Variants in ABCC8 observed in about 807,000 individuals in gnomAD.
The protein encoded by ABCC8 is ATP-binding cassette sub-family C member 8.
ABCC8 carries 137 observed loss-of-function variants against 188.0 expected under a neutral mutation model. That is an observed-to-expected ratio of 0.73 (90% confidence interval 0.63 to 0.84). ABCC8 has a LOEUF of 0.84. Among genes scored for constraint, ABCC8 ranks in the 40% least tolerant of loss-of-function variants. The pLI is 0.00. For missense variants in ABCC8, 1,750 were observed against 2,072.7 expected, an observed-to-expected ratio of 0.84 and a Z score of 3.02; for synonymous variants, 797 against 846.5, an observed-to-expected ratio of 0.94 and a Z score of 1.01.
At chr11:17,475,949 T>G (rs373661401) in intron 1 of ABCC8, among the ~76,000 whole-genome samples, 102 of 152,336 alleles carry the variant, frequency 6.7e-4, no homozygotes, top group African/African-American at 2.3e-3. Context: ...CGCCCAACTT[T>G]GCAAGCAAGG....
At chr11:17,460,756 G>A in intron 5 of ABCC8, 80 bp from the exon 6 acceptor site, 1 of 1,585,344 alleles carries the variant, frequency 6.3e-7, no homozygotes, top group Non-Finnish European at 8.5e-7. Flanking sequence ...GATGCCCCTA[G>A]CTCCTGTTGT....
chr11:17,476,585 C>T, intron 1 of ABCC8, 44 bp downstream of exon 1: 3 of 1,600,596 alleles, frequency 1.9e-6, no homozygotes, highest in East Asian at 2.3e-5. Context: ...TCCTCCCTCC[C>T]TGCTCTCCCG....
intron 1 of ABCC8, 129 bp downstream of exon 1, chr11:17,476,500 G>A (rs1181476682): frequency 2.5e-6 from 3 of 1,179,368 alleles, no homozygotes; most frequent in Admixed American, 4.4e-5. Flanking sequence ...CACAGGGCAG[G>A]GGACCCCGGG....
Position 17,443,276 on chromosome 11 carries a change from C to T in ABCC8, c.1369G>A (p.Gly457Arg), listed in dbSNP as rs771959876. The change falls in exon 9 of 39, where the codon GGA becomes AGA. Residue 457 changes from glycine (G) to arginine (R), a missense_variant. Gly to Arg is a moderately radical substitution (Grantham distance 125). Transcript: ENST00000389817. ...VGVILLYYIL[G>R]VSALIGAAVI... ...GCTGCTCCAATTAAGGCACTGACTCCGAGTATGTAGTAGAGGAGAATCACA... is the reference window on the plus strand; with the variant it reads ...GCTGCTCCAATTAAGGCACTGACTCTGAGTATGTAGTAGAGGAGAATCACA... 42 of 1,613,962 alleles carry T rather than the reference C, an allele frequency of 2.6e-5. No homozygotes were observed. The highest frequency in any genetic ancestry group is 1.5e-4 in the South Asian group (14 of 91,084).
intron 17 of ABCC8, among the ~76,000 whole-genome samples, chr11:17,415,580 A>G (rs568641585): frequency 3.0e-4 from 45 of 152,204 alleles, no homozygotes; most frequent in African/African-American, 1.1e-3. Context: ...GTTAAGAGGG[A>G]GAATGGGGAG....
chr11:17,408,793 A>G (rs1488307157), intron 22 of ABCC8, among the ~76,000 whole-genome samples: 2 of 152,152 alleles, frequency 1.3e-5, no homozygotes, highest in Admixed American at 6.5e-5. Context: ...GTTACTCACA[A>G]GGACTCCACC....
At chr11:17,430,704 G>A in intron 12 of ABCC8, 110 bp downstream of exon 12, 1 of 1,266,324 alleles carries the variant, frequency 7.9e-7, no homozygotes, top group Non-Finnish European at 1.2e-6. Flanking sequence ...GCCCAGCAAT[G>A]GGGGTGTGTT....
chr11:17,448,657 AT>A lies in ABCC8; in HGVS notation c.1190del (p.Asn397IlefsTer16). 1 of 1,614,160 alleles carries A rather than the reference AT, an allele frequency of 6.2e-7. No homozygotes were observed. Among genetic ancestry groups the A allele is most frequent in the Non-Finnish European group, 8.5e-7 (1 of 1,180,026 alleles). ...LRGAIQTKIY[N>X]KIMHLSTSNL... ...TGGAGGTGGACAGGTGCATAATTTT[AT>A]TGTAAATCTTGGTCTAGAAATGAGA... On this transcript the variant is annotated frameshift_variant, in exon 8 of 39. Coordinates refer to ENST00000389817, the MANE Select transcript of ABCC8 (RefSeq NM_000352.6). LOFTEE classifies it high-confidence loss of function.
chr11:17,437,629 C>T (rs1337693243), intron 10 of ABCC8, among the ~76,000 whole-genome samples: 1 of 152,228 alleles, frequency 6.6e-6, no homozygotes, highest in African/African-American at 2.4e-5. Flanking sequence ...TTAATGGTGT[C>T]AGTTGCTGGC....
At chr11:17,466,390 C>T (rs1234644898) in intron 3 of ABCC8, among the ~76,000 whole-genome samples, 2 of 135,108 alleles carry the variant, frequency 1.5e-5, no homozygotes, top group African/African-American at 2.9e-5. Flanking sequence ...CAGAGCAAGA[C>T]TCCATCTCAA....
At chr11:17,415,045 T>A (rs1335657259) in intron 18 of ABCC8, among the ~76,000 whole-genome samples, 1 of 137,412 alleles carries the variant, frequency 7.3e-6, no homozygotes, top group Non-Finnish European at 1.5e-5. Context: ...GGAAGCCACA[T>A]TTTGAGTGAT....
At chr11:17,472,996 C>T (rs112312830) in intron 2 of ABCC8, among the ~76,000 whole-genome samples, 35 of 152,184 alleles carry the variant, frequency 2.3e-4, no homozygotes, top group African/African-American at 7.7e-4. Context: ...TGCCTCTTTA[C>T]TCCTTGAAAT....
At chr11:17,411,273 T>A (rs549388798) in intron 21 of ABCC8, among the ~76,000 whole-genome samples, 4 of 152,374 alleles carry the variant, frequency 2.6e-5, no homozygotes, top group Non-Finnish European at 5.9e-5. Context: ...CTGAGACTTC[T>A]TGTGCCTGTG....
chr11:17,428,129 C>A, intron 14 of ABCC8, 160 bp downstream of exon 14: 1 of 1,558,174 alleles, frequency 6.4e-7, no homozygotes, highest in Non-Finnish European at 8.7e-7. Context: ...CTGGGGGTCC[C>A]CCCACTTGGT....
chr11:17,465,202 G>T (rs111582656), intron 3 of ABCC8, among the ~76,000 whole-genome samples: 1 of 152,176 alleles, frequency 6.6e-6, no homozygotes, highest in Non-Finnish European at 1.5e-5. Context: ...ACAGCTGAAG[G>T]CTGTCCCCCT....
intron 2 of ABCC8, among the ~76,000 whole-genome samples, chr11:17,473,544 A>C (rs1848593290): frequency 6.6e-6 from 1 of 152,046 alleles, no homozygotes; most frequent in Non-Finnish European, 1.5e-5. Context: ...ATTCCAGCTC[A>C]GGGGGCGCTG....
intron 37 of ABCC8, 174 bp from the exon 38 acceptor site, chr11:17,393,933 C>T (rs530630819): frequency 3.6e-6 from 3 of 842,634 alleles, no homozygotes; most frequent in African/African-American, 1.8e-5. Context: ...CTGGACTCAG[C>T]CTGTTGGGAG....
intron 14 of ABCC8, 132 bp downstream of exon 14, chr11:17,428,157 C>A: frequency 6.5e-7 from 1 of 1,543,368 alleles, no homozygotes; most frequent in Non-Finnish European, 8.8e-7. Context: ...GGTTTCTGGA[C>A]TCCTATGGAC....
At chr11:17,428,199 G>C (rs1955675048) in intron 14 of ABCC8, 90 bp downstream of exon 14, 1 of 1,592,474 alleles carries the variant, frequency 6.3e-7, no homozygotes, top group Non-Finnish European at 8.6e-7. Flanking sequence ...CTCTGCAGAG[G>C]ACTAAGCATG....
Sources: allele counts gnomAD v4.1 joint callset (sites outside exome capture counted in the v4.1 genomes callset), GRCh38; gene constraint gnomAD v4.1.1; transcripts MANE v1.5; gene names NCBI Gene and HGNC (gene_info 2026-07-23, HGNC 2026-07-21).